Variants in PER1 observed in about 807,000 individuals in gnomAD.
The protein encoded by PER1 is period circadian regulator 1, also known as period circadian protein homolog 1.
Under a neutral mutation model 125.9 loss-of-function variants are expected in PER1, and 87 were observed. That is an observed-to-expected ratio of 0.69 (90% CI 0.58 to 0.83). The LOEUF (loss-of-function observed/expected upper bound fraction) is 0.83, where lower values mean the gene tolerates loss of function less well. PER1 is among the 40% of genes least tolerant of loss of function. The probability of loss-of-function intolerance (pLI) is 0.00; values close to 1 mark genes in which losing one functional copy is unlikely to be tolerated. For synonymous variants in PER1, 801 were observed against 714.7 expected, an observed-to-expected ratio of 1.12 and a Z score of -1.93; for missense variants, 1,775 against 1,722.8, an observed-to-expected ratio of 1.03 and a Z score of -0.54.
At chr17:8,141,377 G>A in intron 22 of PER1, 37 bp from the exon 23 acceptor site, 2 of 1,560,534 alleles carry the variant, frequency 1.3e-6, no homozygotes, top group East Asian at 2.3e-5. Context: ...AGTCAGACAG[G>A]GTTCTCACTG....
At position 8,150,667 on chromosome 17, in the gene PER1, G is replaced by A. The variant is rs745934292; in HGVS notation, c.40C>T (p.Pro14Ser). ...GGACAAAATGATTCCCCAGGCCTGG[G>A]GTCCCCTCCCCCATCAGCCCCTTCT... ...PLEGADGGGD[P>S]RPGESFCPGG... The change falls in exon 2 of 23, where the codon CCC becomes TCC. Residue 14 changes from proline to serine, a missense_variant. Coordinates refer to ENST00000317276, the MANE Select transcript of PER1 (RefSeq NM_002616.3). 2 of 1,595,072 alleles carry A rather than the reference G, an allele frequency of 1.3e-6. No homozygotes were observed. Among genetic ancestry groups the A allele is most frequent in the East Asian group, 2.2e-5 (1 of 44,770 alleles).
rs751057233 is a variant in PER1 at position 8,146,484 on chromosome 17, G to T, written c.1926C>A (p.Asn642Lys). Residue 642 changes from asparagine (N) to lysine (K), a missense_variant, in exon 16 of 23, where the codon AAC becomes AAA. Asn to Lys is a moderately conservative substitution (Grantham distance 94). Coordinates refer to ENST00000317276, the MANE Select transcript of PER1 (RefSeq NM_002616.3). ...ATTTACGCTTAGTGGTGCTGGGGAG[G>T]TTGCAGCTCTCCAGGTACCTGGGGA... is the stretch of plus-strand genomic sequence containing the variant. Reference protein sequence around the residue: ...DSILRYLESCNLPSTTKRKCA... With the variant: ...DSILRYLESCKLPSTTKRKCA... The T allele has an allele frequency of 4.3e-6, 7 of 1,613,290 alleles. No individual in the cohort carries two copies. In the South Asian group the frequency reaches 7.7e-5, roughly 18 times the overall value.
At position 8,146,623 on chromosome 17, in the gene PER1, C is replaced by A; in HGVS notation, c.1878G>T (p.Gln626His). The A allele has an allele frequency of 6.2e-7, 1 of 1,612,578 alleles. No individual in the cohort carries two copies. The highest frequency in any genetic ancestry group is 8.5e-7 in the Non-Finnish European group (1 of 1,179,312). Reference protein sequence around the residue: ...ERKEASSCSYQQINCLDSILR... With the variant: ...ERKEASSCSYHQINCLDSILR... ...GGATGCTGTCCAGGCAGTTGATCTG[C>A]TGGTAGGAGCAGCTGGAGGCTTCTT... is the stretch of plus-strand genomic sequence containing the variant. Residue 626 changes from glutamine to histidine, a missense_variant, in exon 15 of 23, where the codon CAG becomes CAT. Coordinates refer to ENST00000317276, the MANE Select transcript of PER1 (RefSeq NM_002616.3).
chr17:8,148,407 T>C (rs1356068188), intron 8 of PER1, 148 bp from the exon 9 acceptor site: 2 of 800,238 alleles, frequency 2.5e-6, no homozygotes, highest in Admixed American at 2.7e-5. Context: ...GGGCCAATCC[T>C]ATGCCCTGTA....
At chr17:8,145,060 C>T (rs759845479) in intron 17 of PER1, 67 bp from the exon 18 acceptor site, 1 of 1,359,822 alleles carries the variant, frequency 7.4e-7, no homozygotes, top group Non-Finnish European at 9.5e-7. Flanking sequence ...CATACCACAC[C>T]CTCCCTGTCT....
intron 17 of PER1, 40 bp downstream of exon 17, chr17:8,145,918 G>A (rs748114134): frequency 1.9e-5 from 29 of 1,548,184 alleles, no homozygotes; most frequent in East Asian, 9.3e-5. Context: ...CTGGGAGACC[G>A]GTGGAGCCCA....
chr17:8,147,158 G>A lies in PER1; in HGVS notation c.1629+92C>T, dbSNP rs1043010023. Reference sequence around the variant, plus strand: ...AAGGCAGGAAGGAGAGGGCAAAGGAGGATCGGGCAAGACTCTGGGACTGGC... The same window carrying A: ...AAGGCAGGAAGGAGAGGGCAAAGGAAGATCGGGCAAGACTCTGGGACTGGC... On this transcript the variant is annotated intron_variant, in intron 13 of 22. Coordinates refer to ENST00000317276, the MANE Select transcript of PER1 (RefSeq NM_002616.3). 8.0e-6 allele frequency: 12 copies of A among 1,492,666 alleles called. No homozygotes were observed. The South Asian group carries it at 1.5e-4, about 19-fold the overall frequency. The allele number at this position is 1,492,666 out of a possible 1,614,324, so 92.5% of individuals were successfully genotyped here.
intron 1 of PER1, 105 bp downstream of exon 1, chr17:8,152,232 C>T (rs894947568): frequency 6.6e-6 from 1 of 152,398 alleles, no homozygotes; most frequent in Non-Finnish European, 1.5e-5. Flanking sequence ...GTAAGGACGA[C>T]AGTGTGCCCT....
intron 1 of PER1, among the ~76,000 whole-genome samples, 199 bp downstream of exon 1, chr17:8,152,138 A>G (rs1982895280): frequency 6.6e-6 from 1 of 152,092 alleles, no homozygotes; most frequent in African/African-American, 2.4e-5. Flanking sequence ...TGGAGGTAAG[A>G]TGAGTGGGTC....
chr17:8,150,678 C>T lies in PER1; in HGVS notation c.29G>A (p.Gly10Glu), dbSNP rs1263300779. Reference protein sequence around the residue: MSGPLEGADGGGDPRPGESF... With the variant: MSGPLEGADEGGDPRPGESF... Reference sequence around the variant, plus strand: ...TTCCCCAGGCCTGGGGTCCCCTCCCCCATCAGCCCCTTCTAGGGGGCCACT... The same window carrying T: ...TTCCCCAGGCCTGGGGTCCCCTCCCTCATCAGCCCCTTCTAGGGGGCCACT... Residue 10 changes from glycine to glutamate, a missense_variant, in exon 2 of 23, where the codon GGG becomes GAG. By Grantham distance (98) the Gly-to-Glu change is moderately conservative. Transcript: ENST00000317276. The T allele has an allele frequency of 3.8e-6, 6 of 1,581,880 alleles. No homozygotes were observed. The East Asian group carries it at 1.1e-4, about 29-fold the overall frequency.
At chr17:8,142,591 G>C in intron 20 of PER1, 58 bp downstream of exon 20, 2 of 1,593,334 alleles carry the variant, frequency 1.3e-6, no homozygotes, top group Non-Finnish European at 8.6e-7. Context: ...CGGGGCCTGG[G>C]CTCCCGGCTC....
At chr17:8,152,033 G>C (rs1359864703) in intron 1 of PER1, among the ~76,000 whole-genome samples, 1 of 152,186 alleles carries the variant, frequency 6.6e-6, no homozygotes, top group Non-Finnish European at 1.5e-5. Context: ...GGGCAAACCT[G>C]GGGCCCCTCG....
rs1982035311 is a variant in PER1, at chr17:8,140,832, C to T, written c.*236G>A. On this transcript the variant is annotated 3_prime_UTR_variant, in exon 23 of 23. Coordinates refer to ENST00000317276, the MANE Select transcript of PER1 (RefSeq NM_002616.3). Reference sequence around the variant, plus strand: ...GTCCAGGGGAGGGAAGGATTCCTCTCCAAAGGTGGGAGGTGACACTCCTCT... The same window carrying T: ...GTCCAGGGGAGGGAAGGATTCCTCTTCAAAGGTGGGAGGTGACACTCCTCT... 4.0e-6 allele frequency: 2 copies of T among 494,598 alleles called. No individual in the cohort carries two copies. Among genetic ancestry groups the T allele is most frequent in the Non-Finnish European group, 3.6e-6 (1 of 275,190 alleles). 30.6% of individuals were successfully genotyped at this position (494,598 alleles called of 1,614,324 possible).
intron 8 of PER1, 84 bp downstream of exon 8, chr17:8,148,560 T>A (rs1982608664): frequency 2.0e-6 from 3 of 1,464,892 alleles, no homozygotes; most frequent in Non-Finnish European, 2.8e-6. Context: ...AAGGGTGTGG[T>A]TCATGCCTCC....
rs141195768 is a variant in PER1, at chr17:8,143,485, C to G, written c.2853G>C (p.Ser951=). ...CGGGCAAGGATGGAGAAGGGGAGTG[C>G]GAGGCAGGAGTGGGAGGCCCTTCAG... ...TPAEGPPTPA[S]HSPSPSLPAL... Residue 951 remains serine, a synonymous_variant, in exon 19 of 23, where the codon TCG becomes TCC. Coordinates refer to ENST00000317276, the MANE Select transcript of PER1 (RefSeq NM_002616.3). 3 of 1,589,966 alleles carry G rather than the reference C, an allele frequency of 1.9e-6. No individual in the cohort carries two copies. The highest frequency in any genetic ancestry group is 2.3e-5 in the South Asian group (2 of 87,106).
intron 20 of PER1, 24 bp from the exon 21 acceptor site, chr17:8,142,482 T>C: frequency 1.9e-6 from 3 of 1,558,658 alleles, no homozygotes; most frequent in Non-Finnish European, 2.6e-6. Context: ...GGCAGACCAA[T>C]GGGAGTCAGG....
chr17:8,141,975 G>C lies in PER1; in HGVS notation c.3450-20C>G. 1 of 1,613,170 alleles carries C rather than the reference G, an allele frequency of 6.2e-7. No homozygotes were observed. The highest frequency in any genetic ancestry group is 8.5e-7 in the Non-Finnish European group (1 of 1,180,014). ...ATGTCCCTGCCCAAGAAGGGGTTCAGAAGGCAGAGGCTGGGATCCAGGACC... is the reference window on the plus strand; with the variant it reads ...ATGTCCCTGCCCAAGAAGGGGTTCACAAGGCAGAGGCTGGGATCCAGGACC... On this transcript the variant is annotated intron_variant, in intron 21 of 22. Transcript: ENST00000317276.
chr17:8,149,398 G>A (rs752946870), intron 6 of PER1, 64 bp downstream of exon 6: 11 of 1,604,912 alleles, frequency 6.9e-6, no homozygotes, highest in Middle Eastern at 1.7e-4. Context: ...TGGGTTCCCC[G>A]GCCCCTCACA....
At position 8,141,355 on chromosome 17, in the gene PER1, T is replaced by C; in HGVS notation, c.3601-15A>G. On this transcript the variant is annotated splice_polypyrimidine_tract_variant and intron_variant, in intron 22 of 22. Transcript: ENST00000317276. The stretch of plus-strand genomic sequence containing the variant: ...TCCACACAGGCCTTGGTGAGAGAAA[T>C]GGACATGAGAGAGTCAGACAGGGTT... 5 of 1,587,000 alleles carry C rather than the reference T, an allele frequency of 3.2e-6. No individual in the cohort carries two copies. Among genetic ancestry groups the C allele is most frequent in the Non-Finnish European group, 4.3e-6 (5 of 1,164,188 alleles).
Sources: allele counts gnomAD v4.1 joint callset (sites outside exome capture counted in the v4.1 genomes callset), GRCh38; gene constraint gnomAD v4.1.1; transcripts MANE v1.5; gene names NCBI Gene and HGNC (gene_info 2026-07-23, HGNC 2026-07-21).